Variants in COL18A1 observed in about 807,000 individuals in gnomAD.
The protein encoded by COL18A1 is collagen type XVIII alpha 1 chain, also known as collagen alpha-1(XVIII) chain.
COL18A1 carries 133 observed loss-of-function variants against 168.0 expected under a neutral mutation model. The ratio of observed to expected loss-of-function variants is 0.79; its 90% CI spans 0.69 to 0.91. The LOEUF (loss-of-function observed/expected upper bound fraction) is 0.91, where lower values mean the gene tolerates loss of function less well. Ranked by LOEUF, COL18A1 falls within the 40% of genes least tolerant of loss-of-function variation. COL18A1 has a pLI of 0.00. For missense variants in COL18A1, 2,126 were observed against 1,925.4 expected, an observed-to-expected ratio of 1.10 and a Z score of -1.95; for synonymous variants, 949 against 809.0, an observed-to-expected ratio of 1.17 and a Z score of -2.94.
chr21:45,475,668 C>A, intron 5 of COL18A1, 133 bp downstream of exon 5: 2 of 825,102 alleles, frequency 2.4e-6, no homozygotes, highest in Non-Finnish European at 3.9e-6. Flanking sequence ...ATATTCCTGG[C>A]TGGGGACAGG....
At position 45,490,187 on chromosome 21, in the gene COL18A1, G is replaced by A. The variant is rs148618557; in HGVS notation, c.1960-88G>A. 4,559 of 1,117,966 alleles carry A rather than the reference G, an allele frequency of 4.1e-3. 136 individuals carry two copies. The African/African-American group carries it at 0.065, about 16-fold the overall frequency. The allele number at this position is 1,117,966 out of a possible 1,614,324, so 69.3% of individuals were successfully genotyped here. On this transcript the variant is annotated intron_variant, in intron 19 of 41. Transcript: ENST00000651438. ...AGAGAGAAGTCCAGGCCATCGCCACGTCCACGGGTGCCCCGGACTCCTCGT... is the reference window on the plus strand; with the variant it reads ...AGAGAGAAGTCCAGGCCATCGCCACATCCACGGGTGCCCCGGACTCCTCGT...
At position 45,442,775 on chromosome 21, in the gene COL18A1, CG is replaced by C. The variant is rs1354618885; in HGVS notation, c.107-25465del. ...GTGTGGGCAGCGGTGCTGGTGTGGG[CG>C]GCGGTCCTGGTGTGGGCGGTGGTGG... On this transcript the variant is annotated intron_variant, in intron 2 of 41. Transcript: ENST00000651438. Among the ~76,000 whole-genome samples the C allele has an allele frequency of 9.5e-5, 6 of 62,834 alleles. No homozygotes were observed. The East Asian group carries it at 1.8e-3, about 19-fold the overall frequency. The allele number at this position is 62,834 out of a possible 152,430, so 41.2% of individuals were successfully genotyped here.
chr21:45,484,345 C>G (rs2036021792), intron 15 of COL18A1, among the ~76,000 whole-genome samples: 1 of 143,370 alleles, frequency 7.0e-6, no homozygotes, highest in Non-Finnish European at 1.5e-5. Context: ...ACACACATCT[C>G]CAGCATATGT....
Position 45,405,380 on chromosome 21 carries a change from T to TGCCCCTGGCCATGGC in COL18A1, c.14_28dup (p.Trp9_Pro10insArgProTrpProTrp), listed in dbSNP as rs1350618624. On this transcript the variant is annotated inframe_insertion and splice_region_variant, in exon 2 of 42. Transcript: ENST00000651438. Reference sequence around the variant, plus strand: ...CTGACCCGTGCCTGTCCCGCGCAGGTGCCCCTGGCCATGGCCGCGGCGGCG... The same window carrying TGCCCCTGGCCATGGC: ...CTGACCCGTGCCTGTCCCGCGCAGGTGCCCCTGGCCATGGCGCCCCTGGCCATGGCCGCGGCGGCG... 37 of 1,177,934 alleles carry TGCCCCTGGCCATGGC rather than the reference T, an allele frequency of 3.1e-5. No homozygotes were observed. The highest frequency in any genetic ancestry group is 3.8e-5 in the Non-Finnish European group (37 of 962,334). The allele number at this position is 1,177,934 out of a possible 1,614,324, so 73.0% of individuals were successfully genotyped here.
chr21:45,431,614 A>G lies in COL18A1; in HGVS notation c.106+26141A>G, dbSNP rs559126418. 2.3e-3 allele frequency among the ~76,000 whole-genome samples: 342 copies of G among 151,930 alleles called. 2 individuals carry two copies. The highest frequency in any genetic ancestry group is 7.5e-3 in the South Asian group (36 of 4,796). ...GGTGGAGGCCAGGCCTAGACGGCCC[A>G]CAGGAGGGTGGACTCATTCTGACCG... is the stretch of plus-strand genomic sequence containing the variant. On this transcript the variant is annotated intron_variant, in intron 2 of 41. Transcript: ENST00000651438.
In COL18A1 at chr21:45,505,355, C is replaced by T. The variant is rs777127894; in HGVS notation, c.3014-3C>T. 2 of 1,592,622 alleles carry T rather than the reference C, an allele frequency of 1.3e-6. No individual in the cohort carries two copies. Among genetic ancestry groups the T allele is most frequent in the South Asian group, 2.2e-5 (2 of 90,400 alleles). ...TGTTCCCACCTTGGTTTCTCTCCTG[C>T]AGCTATCAGCGTTCCCGGCCCTCCG... On this transcript the variant is annotated splice_region_variant and splice_polypyrimidine_tract_variant and intron_variant, in intron 35 of 41. Coordinates refer to ENST00000651438, the MANE Select transcript of COL18A1 (RefSeq NM_001379500.1).
At position 45,405,451 on chromosome 21, in the gene COL18A1, C is replaced by A; in HGVS notation, c.84C>A (p.Val28=). 7.2e-7 allele frequency: 1 copy of A among 1,381,224 alleles called. No individual in the cohort carries two copies. The allele number at this position is 1,381,224 out of a possible 1,614,324, so 85.6% of individuals were successfully genotyped here. The change falls in exon 2 of 42, where the codon GTC becomes GTA. Residue 28 remains valine, a synonymous_variant. Coordinates refer to ENST00000651438, the MANE Select transcript of COL18A1 (RefSeq NM_001379500.1). ...CGCCCCTGGTCCTGCTGCTCGGGGT[C>A]CGCGCGGCCTCCGCGGAGCCAGGTA... The part of the protein sequence containing the change: ...VLAPLVLLLG[V]RAASAEPERI...
In COL18A1 at chr21:45,498,267, G is replaced by A. The variant is rs1215311601; in HGVS notation, c.2683+606G>A. 2 of 706,346 alleles carry A rather than the reference G, an allele frequency of 2.8e-6. No homozygotes were observed. Among genetic ancestry groups the A allele is most frequent in the Admixed American group, 2.0e-5 (1 of 49,990 alleles). The allele number at this position is 706,346 out of a possible 1,614,324, so 43.8% of individuals were successfully genotyped here. A position where few individuals can be genotyped will look rare whatever the true frequency, so the allele number is the denominator to read the frequency against. On this transcript the variant is annotated intron_variant, in intron 32 of 41. Coordinates refer to ENST00000651438, the MANE Select transcript of COL18A1 (RefSeq NM_001379500.1). The surrounding 1 kb of genome is among the most constrained non-coding windows in gnomAD (Gnocchi z 4.5). ...GCAGAGCAGAAGCCCAGAGAGCCAG[G>A]CTAGCCTCGGGCGCCTTTCACCACC...
intron 20 of COL18A1, among the ~76,000 whole-genome samples, chr21:45,490,574 A>T (rs747992411): frequency 1.8e-4 from 11 of 61,040 alleles, no homozygotes; most frequent in African/African-American, 2.7e-4. Context: ...GTGCCCTCTC[A>T]GGTCCCTGGG....
intron 9 of COL18A1, 89 bp downstream of exon 9, chr21:45,478,442 C>T (rs977660439): frequency 1.9e-6 from 3 of 1,569,050 alleles, no homozygotes; most frequent in Non-Finnish European, 1.8e-6. Flanking sequence ...TCTTTTTAAA[C>T]GCGACCCAGT....
Position 45,513,310 on chromosome 21 carries a change from A to G in COL18A1, c.*912A>G, listed in dbSNP as rs2037715584. 6.6e-6 allele frequency: 1 copy of G among 152,312 alleles called. No individual in the cohort carries two copies. Among genetic ancestry groups the G allele is most frequent in the South Asian group, 2.1e-4 (1 of 4,834 alleles). The allele number at this position is 152,312 out of a possible 1,614,324, so 9.4% of individuals were successfully genotyped here. A position where few individuals can be genotyped will look rare whatever the true frequency, so the allele number is the denominator to read the frequency against. On this transcript the variant is annotated 3_prime_UTR_variant, in exon 42 of 42. Transcript: ENST00000651438. ...GGCTGGCACAGGACATGCGGTAGCC[A>G]GCACACAGGGCAGTGAGGGAGGGCT...
In COL18A1 at chr21:45,468,582, A is replaced by G. The variant is rs1425190070; in HGVS notation, c.447A>G (p.Thr149=). ...AACCAGGTGCAGGCCAGACCCACAC[A>G]GCCGCCAGCTTCCGGCTCCCCGCCT... is the stretch of plus-strand genomic sequence containing the variant. ...YTEPGAGQTH[T]AASFRLPAFV... Residue 149 remains threonine, a synonymous_variant, in exon 3 of 42, where the codon ACA becomes ACG. Coordinates refer to ENST00000651438, the MANE Select transcript of COL18A1 (RefSeq NM_001379500.1). 1.2e-6 allele frequency: 2 copies of G among 1,613,732 alleles called. No homozygotes were observed. The highest frequency in any genetic ancestry group is 2.2e-5 in the East Asian group (1 of 44,886).
chr21:45,482,104 G>A (rs1405153400), intron 14 of COL18A1, 79 bp downstream of exon 14: 15 of 1,116,214 alleles, frequency 1.3e-5, no homozygotes, highest in Middle Eastern at 2.0e-4. Context: ...GCCTGGTGAC[G>A]CCCGTGAAGG....
chr21:45,405,356 T>C, intron 1 of COL18A1, 23 bp from the exon 2 acceptor site: 2 of 993,616 alleles, frequency 2.0e-6, no homozygotes, highest in South Asian at 7.5e-5. Context: ...CTGCGGGGTC[T>C]GACCCGTGCC....
chr21:45,497,773 G>A lies in COL18A1; in HGVS notation c.2683+112G>A. The stretch of plus-strand genomic sequence containing the variant: ...AGGTCCTGGACCCTCACTGGGTGGT[G>A]ACCACCTCACCCTGCGGGAGGAAGG... On this transcript the variant is annotated intron_variant, in intron 32 of 41. Transcript: ENST00000651438. 4.2e-6 allele frequency: 6 copies of A among 1,427,890 alleles called. No homozygotes were observed. In the South Asian group the frequency reaches 7.4e-5, roughly 18 times the overall value. 88.5% of individuals were successfully genotyped at this position (1,427,890 alleles called of 1,614,324 possible). A position where few individuals can be genotyped will look rare whatever the true frequency, so the allele number is the denominator to read the frequency against.
At chr21:45,417,219 C>A (rs2033473720) in intron 2 of COL18A1, among the ~76,000 whole-genome samples, 1 of 152,166 alleles carries the variant, frequency 6.6e-6, no homozygotes, top group Non-Finnish European at 1.5e-5. Flanking sequence ...CCAGACCCTG[C>A]TGGTTTTTGT....
At chr21:45,448,273 CATCT>C (rs1337826040) in intron 2 of COL18A1, among the ~76,000 whole-genome samples, 1 of 150,328 alleles carries the variant, frequency 6.7e-6, no homozygotes, top group African/African-American at 2.5e-5. Context: ...CCTTTCTCTC[CATCT>C]GTGTCCATAT....
At position 45,463,330 on chromosome 21, in the gene COL18A1, A is replaced by G. The variant is rs2035103366; in HGVS notation, c.107-4912A>G. Among the ~76,000 whole-genome samples the G allele has an allele frequency of 6.6e-6, 1 of 152,210 alleles. No individual in the cohort carries two copies. Among genetic ancestry groups the G allele is most frequent in the Non-Finnish European group, 1.5e-5 (1 of 68,038 alleles). On this transcript the variant is annotated intron_variant, in intron 2 of 41. Transcript: ENST00000651438. This position sits in a 1 kb window ranked among gnomAD's most constrained non-coding sequence, Gnocchi z 4.0. ...TGGCTGCTGCTCCAGGAACTCGTGCATGGCACCTGCTATGGGAATGGGGGT... is the reference window on the plus strand; with the variant it reads ...TGGCTGCTGCTCCAGGAACTCGTGCGTGGCACCTGCTATGGGAATGGGGGT...
intron 2 of COL18A1, among the ~76,000 whole-genome samples, chr21:45,411,961 G>T (rs1416083373): frequency 6.6e-6 from 1 of 152,152 alleles, no homozygotes; most frequent in African/African-American, 2.4e-5. Flanking sequence ...TGCCATGCGG[G>T]CAAACATTTT....
Sources: allele counts gnomAD v4.1 joint callset (sites outside exome capture counted in the v4.1 genomes callset), GRCh38; gene constraint gnomAD v4.1.1; non-coding constraint Gnocchi (gnomAD v3.1); transcripts MANE v1.5; gene names NCBI Gene and HGNC (gene_info 2026-07-23, HGNC 2026-07-21).